AHCTF1: variants seen among roughly 807,000 people sequenced by gnomAD.
The protein encoded by AHCTF1 is protein ELYS.
AHCTF1 carries 24 observed loss-of-function variants against 248.4 expected under a neutral mutation model. The ratio of observed to expected loss-of-function variants is 0.10; its 90% CI spans 0.07 to 0.14. The LOEUF (loss-of-function observed/expected upper bound fraction) is 0.14, where lower values mean the gene tolerates loss of function less well. Ranked by LOEUF, AHCTF1 falls within the 10% of genes least tolerant of loss-of-function variation. The pLI is 1.00. For missense variants in AHCTF1, 2,206 were observed against 2,636.2 expected (o/e 0.84, Z 3.57); for synonymous variants, 786 against 929.8 (o/e 0.85, Z 2.81).
chr1:246,888,206 C>T lies in AHCTF1; in HGVS notation c.2296G>A (p.Gly766Ser), dbSNP rs879064644. The T allele has an allele frequency of 3.1e-6, 5 of 1,614,000 alleles. No homozygotes were observed. The highest frequency in any genetic ancestry group is 4.2e-6 in the Non-Finnish European group (5 of 1,179,932). Residue 766 changes from glycine to serine, a missense_variant, in exon 19 of 36, where the codon GGC becomes AGC. Gly to Ser is a moderately conservative substitution (Grantham distance 56, BLOSUM62 0). This residue lies in a region of AHCTF1 where 650 missense variants were observed against 870.8 expected (regional missense o/e 0.75). Coordinates refer to ENST00000648844, the MANE Select transcript of AHCTF1 (RefSeq NM_001323342.2). Reference sequence around the variant, plus strand: ...GAGTGTTTGGCTGCTTCAGTAACGCCGTCTAATAGGTACATATCAAGTACT... The same window carrying T: ...GAGTGTTTGGCTGCTTCAGTAACGCTGTCTAATAGGTACATATCAAGTACT... ...HAVLDMYLLD[G>S]VTEAAKHSIT...
Position 246,843,832 on chromosome 1 carries a change from T to C in AHCTF1, c.6488A>G (p.Lys2163Arg). The change falls in exon 34 of 36, where the codon AAA becomes AGA. Residue 2163 changes from lysine (K) to arginine (R), a missense_variant. Around this residue, in one of 6 missense-constraint regions of AHCTF1, gnomAD observed 469 missense variants for 470.0 expected, o/e 1.00. Transcript: ENST00000648844. ...ISPPALRSRQ[K>R]NTSNKNKLED... is the part of the protein sequence containing the mutation. The stretch of plus-strand genomic sequence containing the variant: ...AAGCTTGTTCTTATTGGATGTGTTT[T>C]TTTGTCTGCTCCTTAAAGCAGGAGG... The C allele has an allele frequency of 6.7e-7, 1 of 1,496,432 alleles. No homozygotes were observed. Among genetic ancestry groups the C allele is most frequent in the Admixed American group, 2.2e-5 (1 of 46,130 alleles). The allele number at this position is 1,496,432 out of a possible 1,614,324, so 92.7% of individuals were successfully genotyped here.
At chr1:246,892,029 A>AGGCCGGGCGCGG in intron 14 of AHCTF1, 110 bp from the exon 15 acceptor site, 1 of 1,196,008 alleles carries the variant, frequency 8.4e-7, no homozygotes, top group Non-Finnish European at 1.2e-6. Flanking sequence ...TATTCTATTC[A>AGGCCGGGCGCGG]TTATGAGATT....
intron 6 of AHCTF1, 51 bp from the exon 7 acceptor site, chr1:246,904,084 T>A: frequency 6.9e-7 from 1 of 1,450,182 alleles, no homozygotes; most frequent in Non-Finnish European, 9.7e-7. Context: ...ACATTAAACA[T>A]CTCTTACTGT....
At chr1:246,907,893 TAAC>T (rs1665508044) in intron 4 of AHCTF1, 135 bp from the exon 5 acceptor site, 1 of 746,938 alleles carries the variant, frequency 1.3e-6, no homozygotes, top group African/African-American at 1.8e-5. Flanking sequence ...AGATTAGTGA[TAAC>T]AAAAAAGTAT....
At chr1:246,922,113 A>C (rs927079689) in intron 1 of AHCTF1, among the ~76,000 whole-genome samples, 6 of 152,210 alleles carry the variant, frequency 3.9e-5, no homozygotes, top group Non-Finnish European at 8.8e-5. Context: ...TAATCCCAGC[A>C]CTTTGGAAGG....
At chr1:246,864,448 G>A in intron 26 of AHCTF1, 1 of 216,618 alleles carries the variant, frequency 4.6e-6, no homozygotes. Flanking sequence ...AAATACTAAA[G>A]AAAACAGGAC....
intron 1 of AHCTF1, among the ~76,000 whole-genome samples, chr1:246,920,896 G>A (rs1026181552): frequency 3.3e-5 from 5 of 151,916 alleles, no homozygotes; most frequent in African/African-American, 1.2e-4. Flanking sequence ...GACTAGCCTG[G>A]CCAACATGGT....
chr1:246,894,010 C>A (rs1241205616), intron 14 of AHCTF1, among the ~76,000 whole-genome samples: 5 of 152,022 alleles, frequency 3.3e-5, no homozygotes, highest in African/African-American at 1.2e-4. Flanking sequence ...TCAAGACCAG[C>A]CTAGGCAATA....
At chr1:246,929,811 T>C (rs938126039) in intron 1 of AHCTF1, among the ~76,000 whole-genome samples, 2 of 152,186 alleles carry the variant, frequency 1.3e-5, no homozygotes, top group Admixed American at 6.5e-5. Flanking sequence ...CCCAGCACTC[T>C]GGGAGGCCAA....
chr1:246,876,608 T>C (rs1353067336), intron 23 of AHCTF1, among the ~76,000 whole-genome samples: 1 of 152,234 alleles, frequency 6.6e-6, no homozygotes, highest in African/African-American at 2.4e-5. Flanking sequence ...ATGATCTTTG[T>C]ACTATATAAC....
intron 7 of AHCTF1, among the ~76,000 whole-genome samples, chr1:246,902,986 A>C (rs1572442089): frequency 6.6e-6 from 1 of 152,248 alleles, no homozygotes; most frequent in Non-Finnish European, 1.5e-5. Flanking sequence ...ATCTCAGACC[A>C]GCAATACTAT....
In AHCTF1 at chr1:246,905,675, A is replaced by G. The variant is rs1428868959; in HGVS notation, c.765-18T>C. Reference sequence around the variant, plus strand: ...TGTAATATCTGAAACAAATTAGTATATTTCATATTTTTAAGTTATTTTTTA... The same window carrying G: ...TGTAATATCTGAAACAAATTAGTATGTTTCATATTTTTAAGTTATTTTTTA... On this transcript the variant is annotated intron_variant, in intron 5 of 35. Transcript: ENST00000648844. The G allele has an allele frequency of 1.9e-6, 3 of 1,570,330 alleles. No homozygotes were observed. The highest frequency in any genetic ancestry group is 2.6e-6 in the Non-Finnish European group (3 of 1,143,154).
Position 246,862,032 on chromosome 1 carries a change from C to T in AHCTF1, c.3662G>A (p.Arg1221Lys), listed in dbSNP as rs1661592670. 2 of 1,613,420 alleles carry T rather than the reference C, an allele frequency of 1.2e-6. No homozygotes were observed. The highest frequency in any genetic ancestry group is 2.7e-5 in the African/African-American group (2 of 74,890). ...PLASPSPSPG[R>K]SPQRLKETRI... ...AGTTTCTTTAAGTCGTTGAGGAGAC[C>T]TTCCAGGTGATGGAGAGGGAGATGC... Residue 1221 changes from arginine (R) to lysine (K), a missense_variant, in exon 28 of 36, where the codon AGG (arginine) becomes AAG (lysine). Around this residue, in one of 6 missense-constraint regions of AHCTF1, gnomAD observed 955 missense variants for 1,055.6 expected, o/e 0.90. Transcript: ENST00000648844.
intron 4 of AHCTF1, among the ~76,000 whole-genome samples, chr1:246,908,652 C>T (rs1307204243): frequency 6.6e-6 from 1 of 151,052 alleles, no homozygotes; most frequent in Non-Finnish European, 1.5e-5. Flanking sequence ...CTTTGGAAGG[C>T]CAAGGTGGGC....
At chr1:246,926,364 C>T (rs1391644277) in intron 1 of AHCTF1, among the ~76,000 whole-genome samples, 8 of 152,160 alleles carry the variant, frequency 5.3e-5, no homozygotes, top group Non-Finnish European at 1.2e-4. Context: ...TTCTGTCTTC[C>T]TCCCTTTCAT....
In AHCTF1 at chr1:246,876,937, A is replaced by C. The variant is rs1206146548; in HGVS notation, c.2937+13T>G. On this transcript the variant is annotated intron_variant, in intron 23 of 35. Transcript: ENST00000648844. ...TTCTCTTATCCCCCATAATAAGACA[A>C]CTTTAATCGTACCATAACATTAATC... 6.2e-7 allele frequency: 1 copy of C among 1,611,240 alleles called. No individual in the cohort carries two copies. Among genetic ancestry groups the C allele is most frequent in the African/African-American group, 1.3e-5 (1 of 74,812 alleles).
At chr1:246,904,208 T>C (rs1162934805) in intron 6 of AHCTF1, among the ~76,000 whole-genome samples, 175 bp from the exon 7 acceptor site, 2 of 152,250 alleles carry the variant, frequency 1.3e-5, no homozygotes, top group Non-Finnish European at 2.9e-5. Flanking sequence ...GAAATAATAA[T>C]TGATATTTAT....
intron 24 of AHCTF1, among the ~76,000 whole-genome samples, chr1:246,873,462 A>T (rs1053297349): frequency 1.3e-5 from 2 of 152,236 alleles, no homozygotes; most frequent in South Asian, 4.2e-4. Context: ...TAGCGAAGGG[A>T]AAGAATCCGT....
chr1:246,844,693 C>G (rs1660119708), intron 33 of AHCTF1, among the ~76,000 whole-genome samples: 1 of 152,080 alleles, frequency 6.6e-6, no homozygotes, highest in Non-Finnish European at 1.5e-5. Flanking sequence ...CACTGCACTC[C>G]AGCCTGGGTA....
Sources: allele counts gnomAD v4.1 joint callset (sites outside exome capture counted in the v4.1 genomes callset), GRCh38; gene constraint gnomAD v4.1.1; regional missense constraint gnomAD v4.1.1; transcripts MANE v1.5; gene names NCBI Gene and HGNC (gene_info 2026-07-23, HGNC 2026-07-21).